Variants in PIGF observed in about 807,000 individuals in gnomAD.
PIGF encodes the protein GPI ethanolamine phosphate transferase, stabilizing subunit.
A neutral mutation model predicts 26.0 loss-of-function variants in PIGF; 23 were observed. The ratio of observed to expected loss-of-function variants is 0.88; its 90% confidence interval spans 0.64 to 1.25. The LOEUF is 1.25. PIGF is among the 50% of genes most tolerant of loss of function. PIGF has a pLI of 0.00. For synonymous variants in PIGF, 93 were observed against 92.6 expected (o/e 1.00, Z -0.03); for missense variants, 278 against 249.9 (o/e 1.11, Z -0.76).
intron 4 of PIGF, among the ~76,000 whole-genome samples, chr2:46,594,993 G>T (rs1321666768): frequency 1.3e-5 from 2 of 150,700 alleles, no homozygotes; most frequent in African/African-American, 4.9e-5. Flanking sequence ...TGGGATTATA[G>T]GTGGCTAATT....
intron 2 of PIGF, 24 bp downstream of exon 2, chr2:46,614,913 C>A: frequency 2.8e-6 from 3 of 1,077,254 alleles, no homozygotes; most frequent in Non-Finnish European, 4.3e-6. Flanking sequence ...ATCCAAAAAT[C>A]AGTTATTGAG....
At position 46,588,150 on chromosome 2, in the gene PIGF, A is replaced by T. The variant is rs192397780; in HGVS notation, c.546+4325T>A. 6 of 1,613,200 alleles carry T rather than the reference A, an allele frequency of 3.7e-6. No individual in the cohort carries two copies. Among genetic ancestry groups the T allele is most frequent in the Non-Finnish European group, 4.2e-6 (5 of 1,179,528 alleles). On this transcript the variant is annotated intron_variant, in intron 5 of 5. Coordinates refer to ENST00000281382, the MANE Select transcript of PIGF (RefSeq NM_002643.4). This position sits in a 1 kb window ranked among gnomAD's most constrained non-coding sequence, Gnocchi z 4.1. ...CCCTGCAGGGTACATGGAGAGATCT[A>T]TAAGTGCTACGTTTTCTTTCTACTG... is the stretch of plus-strand genomic sequence containing the variant.
intron 4 of PIGF, among the ~76,000 whole-genome samples, chr2:46,611,906 C>G (rs1038966950): frequency 6.6e-5 from 10 of 151,992 alleles, no homozygotes; most frequent in African/African-American, 2.4e-4. Context: ...TATCCCAGAA[C>G]CATGGTTTTC....
At chr2:46,608,858 A>G (rs188740589) in intron 4 of PIGF, among the ~76,000 whole-genome samples, 52 of 152,280 alleles carry the variant, frequency 3.4e-4, no homozygotes, top group Admixed American at 2.9e-3. Flanking sequence ...TGTCATCCAG[A>G]CTTCGTTGTT....
intron 2 of PIGF, chr2:46,614,497 A>G (rs1224524527): frequency 6.4e-6 from 1 of 155,794 alleles, no homozygotes; most frequent in Non-Finnish European, 1.4e-5. Context: ...ATATCTGAAA[A>G]TTGTTTAGTC....
intron 4 of PIGF, among the ~76,000 whole-genome samples, chr2:46,596,688 T>C (rs1005460513): frequency 3.9e-5 from 6 of 151,988 alleles, no homozygotes; most frequent in Non-Finnish European, 7.4e-5. Context: ...AAATTAAGTA[T>C]AGATTTTTCA....
chr2:46,591,051 C>G (rs1558700911), intron 5 of PIGF, among the ~76,000 whole-genome samples: 1 of 152,100 alleles, frequency 6.6e-6, no homozygotes, highest in African/African-American at 2.4e-5. Flanking sequence ...TTAGGTAGGA[C>G]TCTACCCTAC....
chr2:46,590,891 G>A (rs1669703700), intron 5 of PIGF, among the ~76,000 whole-genome samples: 1 of 152,164 alleles, frequency 6.6e-6, no homozygotes, highest in Non-Finnish European at 1.5e-5. Context: ...TATTAAACAT[G>A]AAACAACAAT....
In PIGF at chr2:46,589,648, C is replaced by T. The variant is rs914301347; in HGVS notation, c.546+2827G>A. ...CAAATCGGTATTGGGCTACAAGGAA[C>T]ACAGAACAAGAATCTCTTAATACAT... On this transcript the variant is annotated intron_variant, in intron 5 of 5. Transcript: ENST00000281382. This position sits in a 1 kb window ranked among gnomAD's most constrained non-coding sequence, Gnocchi z 4.7. Among the ~76,000 whole-genome samples the T allele has an allele frequency of 1.3e-5, 2 of 151,882 alleles. No homozygotes were observed. The highest frequency in any genetic ancestry group is 4.8e-5 in the African/African-American group (2 of 41,404).
chr2:46,590,920 C>T (rs996548914), intron 5 of PIGF, among the ~76,000 whole-genome samples: 4 of 152,136 alleles, frequency 2.6e-5, no homozygotes, highest in East Asian at 1.9e-4. Flanking sequence ...CGGGGAGACA[C>T]GACATCTAAC....
At chr2:46,613,556 C>T (rs1465202814) in intron 3 of PIGF, 138 bp downstream of exon 3, 2 of 595,148 alleles carry the variant, frequency 3.4e-6, no homozygotes. Flanking sequence ...AAGAATAACA[C>T]TGCTAATGAT....
intron 5 of PIGF, chr2:46,591,799 T>G: frequency 2.4e-6 from 3 of 1,274,690 alleles, no homozygotes; most frequent in Non-Finnish European, 3.1e-6. Flanking sequence ...AAAAGAGCAC[T>G]TACCTCACAG....
intron 4 of PIGF, among the ~76,000 whole-genome samples, chr2:46,600,753 T>C (rs1158048999): frequency 6.6e-6 from 1 of 152,104 alleles, no homozygotes; most frequent in Non-Finnish European, 1.5e-5. Context: ...TTCAAACCAA[T>C]ATAAGCTGAA....
At position 46,588,282 on chromosome 2, in the gene PIGF, A is replaced by G. The variant is rs1669638787; in HGVS notation, c.546+4193T>C. The stretch of plus-strand genomic sequence containing the variant: ...GATAAATTAACAGTCCACTCTACCA[A>G]CTGAAAGACTGCTGGGCAGAAAAAA... On this transcript the variant is annotated intron_variant, in intron 5 of 5. Transcript: ENST00000281382. This position sits in a 1 kb window ranked among gnomAD's most constrained non-coding sequence, Gnocchi z 4.1. 7.1e-7 allele frequency: 1 copy of G among 1,405,962 alleles called. No homozygotes were observed. The highest frequency in any genetic ancestry group is 1.4e-5 in the South Asian group (1 of 70,838). 87.1% of individuals were successfully genotyped at this position (1,405,962 alleles called of 1,614,324 possible).
chr2:46,601,614 T>C (rs1286651580), intron 4 of PIGF, among the ~76,000 whole-genome samples: 1 of 152,104 alleles, frequency 6.6e-6, no homozygotes, highest in African/African-American at 2.4e-5. Flanking sequence ...CCTTCCCCAC[T>C]GAATATTAAA....
At chr2:46,602,566 C>T (rs996650676) in intron 4 of PIGF, among the ~76,000 whole-genome samples, 8 of 151,672 alleles carry the variant, frequency 5.3e-5, no homozygotes, top group Non-Finnish European at 1.2e-4. Context: ...ACTAAAAGGG[C>T]TGTCTTTAAG....
rs747801036 is a variant in PIGF, at chr2:46,615,036, C to G, written c.129G>C (p.Trp43Cys). The part of the protein sequence containing the change: ...NFSILETHLT[W>C]LCICSGFVTA... ...TTACAAAACCAGAACAGATGCACAA[C>G]CATGTCAAGTGTGTTTCCAATATTG... Residue 43 changes from tryptophan to cysteine, a missense_variant, in exon 2 of 6, where the codon TGG (tryptophan) becomes TGC (cysteine). Coordinates refer to ENST00000281382, the MANE Select transcript of PIGF (RefSeq NM_002643.4). The G allele has an allele frequency of 6.8e-6, 11 of 1,606,678 alleles. No homozygotes were observed. Among genetic ancestry groups the G allele is most frequent in the Non-Finnish European group, 9.4e-6 (11 of 1,173,380 alleles).
intron 4 of PIGF, among the ~76,000 whole-genome samples, chr2:46,603,633 G>A (rs61378520): frequency 1.3e-5 from 2 of 151,832 alleles, no homozygotes; most frequent in Admixed American, 6.6e-5. Context: ...ATAAGTGGTG[G>A]CAGGAAAACT....
chr2:46,600,386 AC>A (rs1400689769), intron 4 of PIGF, among the ~76,000 whole-genome samples: 2 of 152,236 alleles, frequency 1.3e-5, no homozygotes, highest in African/African-American at 4.8e-5. Flanking sequence ...GCACAAGTAT[AC>A]AAAATTATAT....
Sources: allele counts gnomAD v4.1 joint callset (sites outside exome capture counted in the v4.1 genomes callset), GRCh38; gene constraint gnomAD v4.1.1; non-coding constraint Gnocchi (gnomAD v3.1); transcripts MANE v1.5; gene names NCBI Gene and HGNC (gene_info 2026-07-23, HGNC 2026-07-21).